The following ASAP2 variants were observed in gnomAD, a reference collection of about 807,000 sequenced individuals.
The protein encoded by ASAP2 is ArfGAP with SH3 domain, ankyrin repeat and PH domain 2.
In ASAP2, 45 loss-of-function variants were observed where a neutral mutation model predicts 131.4. The ratio of observed to expected loss-of-function variants is 0.34; its 90% CI spans 0.27 to 0.44. The LOEUF (loss-of-function observed/expected upper bound fraction) is 0.44, where lower values mean the gene tolerates loss of function less well. Among genes scored for constraint, ASAP2 ranks in the 20% least tolerant of loss-of-function variants. The pLI is 1.00. For synonymous variants in ASAP2, 510 were observed against 503.0 expected, an observed-to-expected ratio of 1.01 and a Z score of -0.19; for missense variants, 1,011 against 1,297.0, an observed-to-expected ratio of 0.78 and a Z score of 3.39.
intron 17 of ASAP2, among the ~76,000 whole-genome samples, chr2:9,375,495 C>T (rs1168297473): frequency 2.0e-5 from 3 of 152,162 alleles, no homozygotes; most frequent in Admixed American, 6.5e-5. Flanking sequence ...GGAATGATTA[C>T]ATCAAGCTAG....
At chr2:9,275,767 A>G (rs1229904803) in intron 1 of ASAP2, among the ~76,000 whole-genome samples, 1 of 152,212 alleles carries the variant, frequency 6.6e-6, no homozygotes, top group African/African-American at 2.4e-5. Flanking sequence ...TTCTGTGGCA[A>G]GCTCTCTGGT....
intron 1 of ASAP2, among the ~76,000 whole-genome samples, chr2:9,231,361 T>A (rs190074662): frequency 1.3e-4 from 20 of 152,318 alleles, no homozygotes; most frequent in Admixed American, 5.2e-4. Flanking sequence ...CTCTAGGGCT[T>A]AAGTCAGGTC....
At chr2:9,208,551 T>C (rs1661311894) in intron 1 of ASAP2, among the ~76,000 whole-genome samples, 1 of 152,126 alleles carries the variant, frequency 6.6e-6, no homozygotes, top group Admixed American at 6.6e-5. Context: ...AAAAGTAACA[T>C]TCAGCATTCT....
At chr2:9,285,864 A>G (rs1667427066) in intron 2 of ASAP2, among the ~76,000 whole-genome samples, 1 of 152,222 alleles carries the variant, frequency 6.6e-6, no homozygotes, top group African/African-American at 2.4e-5. Context: ...TGAAAGTACA[A>G]AGAAATGCTG....
chr2:9,341,541 G>A (rs1214427547), intron 9 of ASAP2, among the ~76,000 whole-genome samples: 4 of 152,222 alleles, frequency 2.6e-5, no homozygotes, highest in African/African-American at 7.2e-5. Flanking sequence ...ATTAATATGC[G>A]CGGCACGAAC....
intron 16 of ASAP2, among the ~76,000 whole-genome samples, chr2:9,369,345 T>G (rs1395967835): frequency 5.3e-5 from 8 of 152,150 alleles, no homozygotes; most frequent in Non-Finnish European, 1.2e-4. Context: ...TGTCTACTGG[T>G]GCAGAGCTGA....
At chr2:9,367,113 C>G (rs1403901879) in intron 15 of ASAP2, among the ~76,000 whole-genome samples, 2 of 147,842 alleles carry the variant, frequency 1.4e-5, no homozygotes, top group Non-Finnish European at 3.0e-5. Flanking sequence ...TCACTGCAAT[C>G]TTCACCTCCT....
chr2:9,345,977 G>T (rs1275544658), intron 11 of ASAP2, among the ~76,000 whole-genome samples: 1 of 152,120 alleles, frequency 6.6e-6, no homozygotes, highest in Non-Finnish European at 1.5e-5. Context: ...CCAGTGGAGG[G>T]ATTCTCGGTG....
intron 15 of ASAP2, among the ~76,000 whole-genome samples, chr2:9,364,796 G>T (rs1673334112): frequency 6.6e-6 from 1 of 152,174 alleles, no homozygotes; most frequent in Admixed American, 6.5e-5. Flanking sequence ...ACAGGAAATT[G>T]ACTATCAGTG....
At chr2:9,233,299 C>T (rs1443103111) in intron 1 of ASAP2, among the ~76,000 whole-genome samples, 5 of 152,142 alleles carry the variant, frequency 3.3e-5, no homozygotes, top group Admixed American at 2.0e-4. Flanking sequence ...GTTGAGGTCT[C>T]CAGAATAAAC....
At chr2:9,260,552 C>A (rs1212892973) in intron 1 of ASAP2, among the ~76,000 whole-genome samples, 1 of 152,176 alleles carries the variant, frequency 6.6e-6, no homozygotes, top group South Asian at 2.1e-4. Flanking sequence ...GGCACATGAC[C>A]TTGTTTGCAT....
intron 15 of ASAP2, among the ~76,000 whole-genome samples, chr2:9,366,182 G>A (rs1195802902): frequency 6.6e-6 from 1 of 152,104 alleles, no homozygotes; most frequent in Non-Finnish European, 1.5e-5. Context: ...GAACTGCAAG[G>A]TAGCACGTTT....
chr2:9,312,450 T>C (rs1303008130), intron 3 of ASAP2, among the ~76,000 whole-genome samples: 2 of 152,122 alleles, frequency 1.3e-5, no homozygotes, highest in African/African-American at 4.8e-5. Flanking sequence ...CCATTCCTTT[T>C]GCCCAGTCTA....
In ASAP2 at chr2:9,405,315, CTATTTA is replaced by C. The variant is rs918688040; in HGVS notation, c.*1995_*2000del. 1.2e-4 allele frequency: 18 copies of C among 152,386 alleles called. No individual in the cohort carries two copies. The highest frequency in any genetic ancestry group is 6.5e-4 in the Admixed American group (10 of 15,274). The allele number at this position is 152,386 out of a possible 1,614,324, so 9.4% of individuals were successfully genotyped here. On this transcript the variant is annotated 3_prime_UTR_variant, in exon 28 of 28. Transcript: ENST00000281419. ...AGAGAAAGAAAAACATTGTAGATAT[CTATTTA>C]TATTTAAAGTTTATGTTTCATGAAC...
At chr2:9,359,041 T>C (rs935218504) in intron 15 of ASAP2, 152 bp downstream of exon 15, 16 of 1,052,934 alleles carry the variant, frequency 1.5e-5, no homozygotes, top group Non-Finnish European at 2.1e-5. Flanking sequence ...TAATTCTTCA[T>C]TTTTAGCTAC....
At chr2:9,354,126 C>G (rs1026735937) in intron 12 of ASAP2, among the ~76,000 whole-genome samples, 1 of 152,210 alleles carries the variant, frequency 6.6e-6, no homozygotes, top group African/African-American at 2.4e-5. Flanking sequence ...TATCCGCGAA[C>G]CCCATAGGCA....
chr2:9,364,982 C>CT (rs35630429), intron 15 of ASAP2, among the ~76,000 whole-genome samples: 12 of 151,196 alleles, frequency 7.9e-5, no homozygotes, highest in Non-Finnish European at 1.3e-4. Context: ...GTGTTTTAGC[C>CT]TTTTTTTTTA....
In ASAP2 at chr2:9,350,730, G is replaced by A. The variant is rs1266713410; in HGVS notation, c.1024-78G>A. On this transcript the variant is annotated intron_variant, in intron 11 of 27. Coordinates refer to ENST00000281419, the MANE Select transcript of ASAP2 (RefSeq NM_003887.3). Reference sequence around the variant, plus strand: ...GAAGAGCTTGCTGTTGCTGTATCTCGTGAGGATTGATACTGTATGATTTTC... The same window carrying A: ...GAAGAGCTTGCTGTTGCTGTATCTCATGAGGATTGATACTGTATGATTTTC... The A allele has an allele frequency of 2.1e-5, 26 of 1,241,160 alleles. No homozygotes were observed. The South Asian group carries it at 2.3e-4, about 11-fold the overall frequency. 76.9% of individuals were successfully genotyped at this position (1,241,160 alleles called of 1,614,324 possible). A position where few individuals can be genotyped will look rare whatever the true frequency, so the allele number is the denominator to read the frequency against.
intron 20 of ASAP2, among the ~76,000 whole-genome samples, chr2:9,382,130 C>T (rs1000173468): frequency 6.6e-6 from 1 of 152,132 alleles, no homozygotes; most frequent in South Asian, 2.1e-4. Context: ...ATTACAGGCA[C>T]CTGCCACCAC....
Sources: gnomAD v4.1 joint callset for allele counts (sites outside exome capture counted in the v4.1 genomes callset) on GRCh38, gnomAD v4.1.1 for gene constraint, MANE v1.5 for transcripts, NCBI Gene and HGNC (gene_info 2026-07-23, HGNC 2026-07-21) for gene names.